Variants in CNTNAP2 observed in about 807,000 individuals in gnomAD.
The protein encoded by CNTNAP2 is contactin associated protein 2.
CNTNAP2 carries 98 observed loss-of-function variants against 155.2 expected under a neutral mutation model. The ratio of observed to expected loss-of-function variants is 0.63; its 90% CI spans 0.54 to 0.75. The LOEUF (loss-of-function observed/expected upper bound fraction) is 0.75. Among genes scored for constraint, CNTNAP2 ranks in the 30% least tolerant of loss-of-function variants. The probability of loss-of-function intolerance (pLI) is 0.00; values close to 1 mark genes in which losing one functional copy is unlikely to be tolerated. For synonymous variants in CNTNAP2, 651 were observed against 631.2 expected (o/e 1.03, Z -0.47); for missense variants, 1,727 against 1,688.1 (o/e 1.02, Z -0.40).
chr7:147,576,327 G>A (rs545605556), intron 12 of CNTNAP2, among the ~76,000 whole-genome samples: 1 of 152,210 alleles, frequency 6.6e-6, no homozygotes, highest in African/African-American at 2.4e-5. Context: ...ATAGGTAAGA[G>A]TGTGCATCAC....
chr7:147,995,180 T>A (rs1444868275), intron 15 of CNTNAP2, among the ~76,000 whole-genome samples: 1 of 152,176 alleles, frequency 6.6e-6, no homozygotes, highest in African/African-American at 2.4e-5. Flanking sequence ...CTACCAGGCA[T>A]GCACCCAAAA....
chr7:148,066,224 T>C (rs930610791), intron 15 of CNTNAP2, among the ~76,000 whole-genome samples: 1 of 152,228 alleles, frequency 6.6e-6, no homozygotes, highest in Admixed American at 6.5e-5. Flanking sequence ...GATTCTTTCC[T>C]TTGTCTTGAC....
At chr7:147,799,163 G>C (rs1797949818) in intron 13 of CNTNAP2, among the ~76,000 whole-genome samples, 1 of 152,122 alleles carries the variant, frequency 6.6e-6, no homozygotes, top group Non-Finnish European at 1.5e-5. Flanking sequence ...CTTCTCCTCA[G>C]GGAAGAGCAA....
chr7:146,731,195 C>A (rs1801519723), intron 1 of CNTNAP2, among the ~76,000 whole-genome samples: 1 of 152,016 alleles, frequency 6.6e-6, no homozygotes, highest in Non-Finnish European at 1.5e-5. Flanking sequence ...ACGAGTGCCT[C>A]ATGATATCTA....
intron 3 of CNTNAP2, among the ~76,000 whole-genome samples, chr7:147,029,220 C>T (rs1798981561): frequency 6.6e-6 from 1 of 152,048 alleles, no homozygotes; most frequent in South Asian, 2.1e-4. Flanking sequence ...GCCTCGGCCT[C>T]CCAAAGTGCT....
chr7:146,348,246 C>G (rs1307332836), intron 1 of CNTNAP2, among the ~76,000 whole-genome samples: 1 of 152,064 alleles, frequency 6.6e-6, no homozygotes, highest in Non-Finnish European at 1.5e-5. Context: ...TAGCAAAACC[C>G]TGTCTCTACT....
At chr7:147,089,320 T>C (rs1162912889) in intron 4 of CNTNAP2, among the ~76,000 whole-genome samples, 1 of 152,156 alleles carries the variant, frequency 6.6e-6, no homozygotes, top group African/African-American at 2.4e-5. Flanking sequence ...ACTTCTCTGT[T>C]TGTCAATGTC....
intron 1 of CNTNAP2, among the ~76,000 whole-genome samples, chr7:146,217,045 T>G (rs1799125964): frequency 6.6e-6 from 1 of 152,178 alleles, no homozygotes; most frequent in Non-Finnish European, 1.5e-5. Flanking sequence ...TTTAATTTGA[T>G]TTTTAGGAAC....
At chr7:147,271,488 G>A (rs1804752022) in intron 8 of CNTNAP2, among the ~76,000 whole-genome samples, 1 of 152,114 alleles carries the variant, frequency 6.6e-6, no homozygotes, top group African/African-American at 2.4e-5. Context: ...CCTAATGCAT[G>A]CTCTGTGTAT....
chr7:148,241,982 CCT>C, intron 20 of CNTNAP2, among the ~76,000 whole-genome samples: 1 of 152,202 alleles, frequency 6.6e-6, no homozygotes, highest in East Asian at 1.9e-4. Context: ...AGATGTCAGT[CCT>C]CTCTTTCTTT....
chr7:146,732,907 G>A (rs1463104918), intron 1 of CNTNAP2, among the ~76,000 whole-genome samples: 1 of 151,916 alleles, frequency 6.6e-6, no homozygotes, highest in Non-Finnish European at 1.5e-5. Flanking sequence ...TGATTTTAAT[G>A]GTTTTGTATT....
rs534149137 is a variant in CNTNAP2, at chr7:147,387,781, T to C, written c.1499-7828T>C. 3.3e-5 allele frequency among the ~76,000 whole-genome samples: 5 copies of C among 152,334 alleles called. No homozygotes were observed. The East Asian group carries it at 5.8e-4, about 18-fold the overall frequency. ...GTATTTACCCTATTGTGCTATCATA[T>C]AGTAGGTCTCGTTCATTAGATGGGG... On this transcript the variant is annotated intron_variant, in intron 9 of 23. Transcript: ENST00000361727.
chr7:146,614,705 C>A (rs543005163), intron 1 of CNTNAP2, among the ~76,000 whole-genome samples: 1 of 152,262 alleles, frequency 6.6e-6, no homozygotes, highest in South Asian at 2.1e-4. Flanking sequence ...GACAACTACA[C>A]AACTAATGTA....
chr7:146,332,446 G>A (rs1484806093), intron 1 of CNTNAP2, among the ~76,000 whole-genome samples: 1 of 152,088 alleles, frequency 6.6e-6, no homozygotes, highest in Non-Finnish European at 1.5e-5. Flanking sequence ...CAGTAATAAA[G>A]TTGAAAATGC....
At chr7:147,183,118 G>T (rs191024357) in intron 8 of CNTNAP2, among the ~76,000 whole-genome samples, 298 of 151,170 alleles carry the variant, frequency 2.0e-3, no homozygotes, top group African/African-American at 6.9e-3. Flanking sequence ...CTTGAATAAG[G>T]TTCAAACTAA....
intron 13 of CNTNAP2, among the ~76,000 whole-genome samples, chr7:147,771,242 G>T (rs555772428): frequency 6.6e-6 from 1 of 152,086 alleles, no homozygotes; most frequent in Non-Finnish European, 1.5e-5. Flanking sequence ...AAACCATAAA[G>T]CTTTTAGAAG....
At chr7:148,161,597 C>T (rs1241412280) in intron 17 of CNTNAP2, among the ~76,000 whole-genome samples, 1 of 152,106 alleles carries the variant, frequency 6.6e-6, no homozygotes, top group African/African-American at 2.4e-5. Context: ...AGACAGGGGA[C>T]AGCCATCTTC....
intron 1 of CNTNAP2, among the ~76,000 whole-genome samples, chr7:146,245,592 AAGG>A (rs995304398): frequency 6.6e-5 from 10 of 152,156 alleles, no homozygotes; most frequent in African/African-American, 2.4e-4. Flanking sequence ...CTAGGAAGGA[AAGG>A]AGTTGTTGTT....
intron 8 of CNTNAP2, among the ~76,000 whole-genome samples, chr7:147,149,477 G>A (rs1801781532): frequency 6.6e-6 from 1 of 152,174 alleles, no homozygotes; most frequent in East Asian, 1.9e-4. Context: ...ACAAAAAAGG[G>A]CAAAAAGAAA....
Sources: gnomAD v4.1 joint callset for allele counts (sites outside exome capture counted in the v4.1 genomes callset) on GRCh38, gnomAD v4.1.1 for gene constraint, MANE v1.5 for transcripts, NCBI Gene and HGNC (gene_info 2026-07-23, HGNC 2026-07-21) for gene names.